The following SRP19 variants were observed in gnomAD, a reference collection of about 807,000 sequenced individuals.
SRP19 encodes the protein signal recognition particle 19 kDa protein.
A neutral mutation model predicts 22.4 loss-of-function variants in SRP19; 11 were observed. That is an observed-to-expected ratio of 0.49 (90% CI 0.31 to 0.81). SRP19 has a LOEUF of 0.81. Ranked by LOEUF, SRP19 falls within the 40% of genes least tolerant of loss-of-function variation. The pLI, the probability that SRP19 is intolerant of heterozygous loss-of-function variation, is 0.05. For missense variants in SRP19, 168 were observed against 175.9 expected, an observed-to-expected ratio of 0.96 and a Z score of 0.25; for synonymous variants, 61 against 57.6, an observed-to-expected ratio of 1.06 and a Z score of -0.27.
downstream of SRP19, chr5:112,895,165 G>A (rs564448093): frequency 2.7e-5 from 4 of 147,918 alleles, no homozygotes; most frequent in African/African-American, 1.0e-4. Context: ...CTGGAACCCA[G>A]GAGGCGGAGG....
At chr5:112,866,571 C>G (rs557479335) in intron 4 of SRP19, among the ~76,000 whole-genome samples, 1 of 151,836 alleles carries the variant, frequency 6.6e-6, no homozygotes, top group Admixed American at 6.6e-5. Context: ...CACAAGTGAT[C>G]CTCCTGCCTC....
At chr5:112,876,906 C>T (rs1007599554) in intron 4 of SRP19, 1 of 151,928 alleles carries the variant, frequency 6.6e-6, no homozygotes, top group Non-Finnish European at 1.5e-5. Flanking sequence ...GCAATAGTAA[C>T]TTTTGTACCT....
chr5:112,862,733 C>A, intron 2 of SRP19, 150 bp downstream of exon 2: 2 of 687,064 alleles, frequency 2.9e-6, no homozygotes, highest in Non-Finnish European at 5.0e-6. Context: ...GTGCGTTCCT[C>A]AGTGTTGGTG....
intron 2 of SRP19, among the ~76,000 whole-genome samples, chr5:112,863,513 A>G (rs949458306): frequency 6.6e-6 from 1 of 152,140 alleles, no homozygotes; most frequent in African/African-American, 2.4e-5. Flanking sequence ...TAGTTGTGAC[A>G]ATCAAAAATG....
exon 4 of SRP19, chr5:112,898,274 A>T (rs1431222903): frequency 6.6e-6 from 1 of 152,234 alleles, no homozygotes; most frequent in African/African-American, 2.4e-5. Context: ...CTAATGTAGG[A>T]AGAAAGTATT....
chr5:112,889,788 C>A (rs1356805526), intron 4 of SRP19, among the ~76,000 whole-genome samples: 1 of 149,534 alleles, frequency 6.7e-6, no homozygotes, highest in Non-Finnish European at 1.5e-5. Flanking sequence ...TTGAGACTAG[C>A]CTGTGTAACA....
chr5:112,872,322 C>CTTT (rs759571945), downstream of SRP19, among the ~76,000 whole-genome samples: 31,885 of 92,414 alleles, frequency 0.35, 6,694 homozygotes, highest in East Asian at 0.57. Context: ...CCAAATGATT[C>CTTT]TTTTTTTTTT....
downstream of SRP19, chr5:112,896,215 A>C (rs1768676208): frequency 2.0e-5 from 3 of 152,766 alleles, 1 homozygote; most frequent in African/African-American, 4.8e-5. Flanking sequence ...TTAGCCTCCT[A>C]CGAACATTAA....
downstream of SRP19, among the ~76,000 whole-genome samples, chr5:112,872,890 T>C (rs1767787873): frequency 6.6e-6 from 1 of 152,158 alleles, no homozygotes; most frequent in African/African-American, 2.4e-5. Flanking sequence ...TATTTGAAAA[T>C]TTCATCATTC....
At chr5:112,888,551 C>T (rs1038066488) in intron 4 of SRP19, among the ~76,000 whole-genome samples, 1 of 150,612 alleles carries the variant, frequency 6.6e-6, no homozygotes, top group African/African-American at 2.5e-5. Flanking sequence ...TCCCAAGTAG[C>T]TGGGAATGAC....
intron 1 of SRP19, chr5:112,862,268 AG>A: frequency 1.8e-6 from 1 of 563,328 alleles, no homozygotes. Context: ...TGATTGGTTG[AG>A]GGAGGGGGAT....
intron 4 of SRP19, among the ~76,000 whole-genome samples, chr5:112,884,567 G>A (rs1229974066): frequency 6.6e-6 from 1 of 151,736 alleles, no homozygotes; most frequent in South Asian, 2.1e-4. Flanking sequence ...TGTAGAGAGC[G>A]GGTCTCCATA....
At chr5:112,879,470 T>C (rs1027467751) in intron 4 of SRP19, among the ~76,000 whole-genome samples, 2 of 152,130 alleles carry the variant, frequency 1.3e-5, no homozygotes, top group Non-Finnish European at 2.9e-5. Flanking sequence ...ATATACTTTA[T>C]TTATTTACTT....
rs1230095215 is a variant in SRP19, at chr5:112,889,673, A to G, written c.302-1930A>G. Among the ~76,000 whole-genome samples, 2 of 150,486 alleles carry G rather than the reference A, an allele frequency of 1.3e-5. 1 individual carries two copies. The highest frequency in any genetic ancestry group is 5.0e-5 in the African/African-American group (2 of 40,350). ...ACAAATGGACAAAATCTGCAATCAT[A>G]GATTTTAACATTTCCATCAGAAATT... On this transcript the variant is annotated intron_variant, in intron 4 of 4. Transcript: ENST00000391338.
chr5:112,885,447 G>C, intron 4 of SRP19: 1 of 193,604 alleles, frequency 5.2e-6, no homozygotes, highest in Non-Finnish European at 1.1e-5. Flanking sequence ...TTACTGAAGA[G>C]GAGGCGAAAG....
chr5:112,881,287 A>G (rs1170696492), intron 4 of SRP19, among the ~76,000 whole-genome samples: 1 of 152,164 alleles, frequency 6.6e-6, no homozygotes, highest in African/African-American at 2.4e-5. Flanking sequence ...AATGGGGAAC[A>G]TACCACTTCT....
intron 4 of SRP19, chr5:112,891,589 A>G (rs1414172470): frequency 6.4e-7 from 1 of 1,555,914 alleles, no homozygotes; most frequent in Non-Finnish European, 8.7e-7. Context: ...AAAATCTTCC[A>G]TATATTCCCA....
downstream of SRP19, among the ~76,000 whole-genome samples, chr5:112,871,912 A>C (rs1349034038): frequency 1.3e-5 from 2 of 152,198 alleles, no homozygotes; most frequent in African/African-American, 4.8e-5. Flanking sequence ...ATTTATGTAG[A>C]TGTTGAAGTG....
At chr5:112,891,274 T>C (rs549258384) in intron 4 of SRP19, among the ~76,000 whole-genome samples, 5 of 152,174 alleles carry the variant, frequency 3.3e-5, no homozygotes, top group East Asian at 3.9e-4. Flanking sequence ...GTTTTTGCCA[T>C]GTTGGCCAGG....
Sources: allele counts gnomAD v4.1 joint callset (sites outside exome capture counted in the v4.1 genomes callset), GRCh38; gene constraint gnomAD v4.1.1; transcripts MANE v1.5; gene names NCBI Gene and HGNC (gene_info 2026-07-23, HGNC 2026-07-21).